ASAH2B: variants seen among roughly 807,000 people sequenced by gnomAD.
The protein encoded by ASAH2B is putative inactive neutral ceramidase B.
ASAH2B carries 1 observed loss-of-function variant against 2.9 expected under a neutral mutation model. The ratio of observed to expected loss-of-function variants is 0.34; its 90% confidence interval spans 0.12 to 1.63. The LOEUF is 1.63. Among genes scored for constraint, ASAH2B ranks in the 40% most tolerant of loss-of-function variants. The pLI, the probability that ASAH2B is intolerant of heterozygous loss-of-function variation, is 0.36. For missense variants in ASAH2B, 9 were observed against 37.7 expected (o/e 0.24, Z 1.99); for synonymous variants, 4 against 13.3 (o/e 0.30, Z 1.52).
chr10:50,755,644 G>T lies in ASAH2B; in HGVS notation c.*904G>T, dbSNP rs1471031586. 2 of 151,814 alleles carry T rather than the reference G, an allele frequency of 1.3e-5. No individual in the cohort carries two copies. Among genetic ancestry groups the T allele is most frequent in the South Asian group, 2.1e-4 (1 of 4,826 alleles). 9.4% of individuals were successfully genotyped at this position (151,814 alleles called of 1,614,324 possible). A position where few individuals can be genotyped will look rare whatever the true frequency, so the allele number is the denominator to read the frequency against. ...TGGGAAAGCACTCCTCAAAGCAGAG[G>T]TTCTAAATTAATTTATCTGTTCTTT... On this transcript the variant is annotated 3_prime_UTR_variant, in exon 6 of 6. Transcript: ENST00000647317.
chr10:50,746,033 A>C (rs1271573095), intron 3 of ASAH2B, among the ~76,000 whole-genome samples: 1 of 151,320 alleles, frequency 6.6e-6, no homozygotes, highest in Non-Finnish European at 1.5e-5. Context: ...TTTAAAACAC[A>C]ATATGTTGTT....
intron 3 of ASAH2B, among the ~76,000 whole-genome samples, chr10:50,748,626 T>G (rs1463990165): frequency 1.5e-5 from 2 of 134,386 alleles, no homozygotes; most frequent in African/African-American, 6.0e-5. Flanking sequence ...ATCTCCAGAT[T>G]TCTGTCTCTG....
intron 3 of ASAH2B, among the ~76,000 whole-genome samples, chr10:50,747,535 TC>T (rs1398389540): frequency 6.6e-6 from 1 of 151,716 alleles, no homozygotes; most frequent in African/African-American, 2.4e-5. Context: ...ATTCAGTTTT[TC>T]ACCATTTAGT....
intron 1 of ASAH2B, among the ~76,000 whole-genome samples, chr10:50,740,687 T>C (rs7078481): frequency 0.026 from 4,036 of 152,322 alleles, 81 homozygotes; most frequent in Non-Finnish European, 0.04. Flanking sequence ...AGGACCTTAA[T>C]TGAATGAAAT....
At chr10:50,744,135 T>C (rs1839873013) in intron 2 of ASAH2B, among the ~76,000 whole-genome samples, 1 of 151,624 alleles carries the variant, frequency 6.6e-6, no homozygotes, top group Non-Finnish European at 1.5e-5. Flanking sequence ...CCAAATCTAT[T>C]TGTAGGTCAT....
At chr10:50,742,161 G>T (rs1195744454) in intron 1 of ASAH2B, among the ~76,000 whole-genome samples, 1 of 152,096 alleles carries the variant, frequency 6.6e-6, no homozygotes, top group African/African-American at 2.4e-5. Flanking sequence ...AGAAATGAGG[G>T]TTTGAACTAA....
rs1235032917 is a variant in ASAH2B, at chr10:50,755,750, G to T, written c.*1010G>T. ...TTTATATGCCCAGAATTATAATAGT[G>T]CCTAGGCCTTGATAATTAGTGAATT... On this transcript the variant is annotated 3_prime_UTR_variant, in exon 6 of 6. Coordinates refer to ENST00000647317, the MANE Select transcript of ASAH2B (RefSeq NM_001321958.2). 1.4e-4 allele frequency: 21 copies of T among 149,856 alleles called. No homozygotes were observed. Among genetic ancestry groups the T allele is most frequent in the African/African-American group, 4.8e-4 (20 of 41,388 alleles). The allele number at this position is 149,856 out of a possible 1,614,324, so 9.3% of individuals were successfully genotyped here.
rs1837095610 is a variant in ASAH2B, at chr10:50,756,632, G to C, written c.*1892G>C. ...GATAGCTCACTGGCAACTGTACCAA[G>C]GTGGCCACTGTATCATCTACTGATC... On this transcript the variant is annotated 3_prime_UTR_variant, in exon 6 of 6. Transcript: ENST00000647317. The C allele has an allele frequency of 6.6e-6, 1 of 151,948 alleles. No individual in the cohort carries two copies. The highest frequency in any genetic ancestry group is 6.6e-5 in the Admixed American group (1 of 15,228). 9.4% of individuals were successfully genotyped at this position (151,948 alleles called of 1,614,324 possible). A position where few individuals can be genotyped will look rare whatever the true frequency, so the allele number is the denominator to read the frequency against.
chr10:50,743,857 C>T (rs974524976), intron 2 of ASAH2B: 8 of 151,104 alleles, frequency 5.3e-5, no homozygotes, highest in African/African-American at 1.7e-4. Flanking sequence ...AAATAAAGCC[C>T]TTTTAATGAA....
chr10:50,743,069 T>G lies in ASAH2B; in HGVS notation c.-4+59T>G, dbSNP rs189336118. ...GTGTGTGTGTGTGTGTATGTCTGTATGTGTCTGTGTCTGGGTAAGAGGGAA... is the reference window on the plus strand; with the variant it reads ...GTGTGTGTGTGTGTGTATGTCTGTAGGTGTCTGTGTCTGGGTAAGAGGGAA... On this transcript the variant is annotated intron_variant, in intron 2 of 5. Coordinates refer to ENST00000647317, the MANE Select transcript of ASAH2B (RefSeq NM_001321958.2). 17 of 1,550,126 alleles carry G rather than the reference T, an allele frequency of 1.1e-5. No individual in the cohort carries two copies. The East Asian group carries it at 2.5e-4, about 22-fold the overall frequency.
rs1415495815 is a variant in ASAH2B at position 50,756,475 on chromosome 10, C to T, written c.*1735C>T. 6.6e-6 allele frequency: 1 copy of T among 151,988 alleles called. No homozygotes were observed. The highest frequency in any genetic ancestry group is 1.5e-5 in the Non-Finnish European group (1 of 67,900). The allele number at this position is 151,988 out of a possible 1,614,324, so 9.4% of individuals were successfully genotyped here. On this transcript the variant is annotated 3_prime_UTR_variant, in exon 6 of 6. Coordinates refer to ENST00000647317, the MANE Select transcript of ASAH2B (RefSeq NM_001321958.2). The stretch of plus-strand genomic sequence containing the variant: ...GATCCTGAAAGTAGCTGATTCCAGA[C>T]AAGAAAATTATATTAGAACTCATGA...
intron 4 of ASAH2B, among the ~76,000 whole-genome samples, chr10:50,751,626 A>G (rs1213496478): frequency 4.0e-5 from 6 of 151,724 alleles, no homozygotes; most frequent in Non-Finnish European, 7.4e-5. Flanking sequence ...ATTTTAAACA[A>G]TTACATGGCC....
At position 50,757,549 on chromosome 10, in the gene ASAH2B, T is replaced by C. The variant is rs1011510502; in HGVS notation, c.*2809T>C. On this transcript the variant is annotated 3_prime_UTR_variant, in exon 6 of 6. Transcript: ENST00000647317. ...TGTCCTTTTCTAATGTGCCCTCTTA[T>C]GCTTCTCCTCCAATGTAAGCAAGCT... 1.9e-4 allele frequency: 28 copies of C among 147,628 alleles called. 1 individual carries two copies. The highest frequency in any genetic ancestry group is 6.6e-4 in the African/African-American group (27 of 40,912). 9.1% of individuals were successfully genotyped at this position (147,628 alleles called of 1,614,324 possible). A position where few individuals can be genotyped will look rare whatever the true frequency, so the allele number is the denominator to read the frequency against.
At chr10:50,743,958 A>AG (rs71457591) in intron 2 of ASAH2B, among the ~76,000 whole-genome samples, 2 of 148,202 alleles carry the variant, frequency 1.3e-5, no homozygotes, top group Admixed American at 1.3e-4. Context: ...TGCCTGTATT[A>AG]TTACTGATTG....
chr10:50,745,783 C>T (rs552235701), intron 3 of ASAH2B, among the ~76,000 whole-genome samples: 1 of 146,750 alleles, frequency 6.8e-6, no homozygotes, highest in Admixed American at 6.8e-5. Context: ...TTTCTAAATG[C>T]ACCTAATTAT....
rs1249208397 is a variant in ASAH2B at position 50,757,334 on chromosome 10, T to G, written c.*2594T>G. The stretch of plus-strand genomic sequence containing the variant: ...ACCACTGAAGCACAAGGGAACCACT[T>G]CTTTATCAGTTCCTTTCTAACTTCT... On this transcript the variant is annotated 3_prime_UTR_variant, in exon 6 of 6. Transcript: ENST00000647317. The G allele has an allele frequency of 6.6e-6, 1 of 151,812 alleles. No individual in the cohort carries two copies. Among genetic ancestry groups the G allele is most frequent in the Admixed American group, 6.6e-5 (1 of 15,210 alleles). The allele number at this position is 151,812 out of a possible 1,614,324, so 9.4% of individuals were successfully genotyped here.
intron 2 of ASAH2B, among the ~76,000 whole-genome samples, 182 bp downstream of exon 2, chr10:50,743,192 T>C (rs1481617241): frequency 6.6e-6 from 1 of 152,162 alleles, no homozygotes; most frequent in African/African-American, 2.4e-5. Context: ...AAATAAAATT[T>C]CTTTCCCAAT....
At position 50,748,275 on chromosome 10, in the gene ASAH2B, C is replaced by A. The variant is rs868320133; in HGVS notation, c.145-1068C>A. 5.6e-3 allele frequency among the ~76,000 whole-genome samples: 574 copies of A among 102,104 alleles called. 8 individuals are homozygous for A. The highest frequency in any genetic ancestry group is 0.016 in the African/African-American group (546 of 34,052). The allele number at this position is 102,104 out of a possible 152,430, so 67.0% of individuals were successfully genotyped here. ...GAGTTGACAATTATATCCCCTCTTT[C>A]TTTCTAATTTTGGTAATTTGTGTCC... On this transcript the variant is annotated intron_variant, in intron 3 of 5. Transcript: ENST00000647317.
rs1421538554 is a variant in ASAH2B at position 50,758,107 on chromosome 10, CACACAGCT to C, written c.*3370_*3377del. 1 of 144,424 alleles carries C rather than the reference CACACAGCT, an allele frequency of 6.9e-6. No homozygotes were observed. Among genetic ancestry groups the C allele is most frequent in the African/African-American group, 2.6e-5 (1 of 38,850 alleles). The allele number at this position is 144,424 out of a possible 1,614,324, so 8.9% of individuals were successfully genotyped here. A position where few individuals can be genotyped will look rare whatever the true frequency, so the allele number is the denominator to read the frequency against. On this transcript the variant is annotated 3_prime_UTR_variant, in exon 6 of 6. Coordinates refer to ENST00000647317, the MANE Select transcript of ASAH2B (RefSeq NM_001321958.2). ...TCTATTTCTTTGTTCAGAACTGTGCCACACAGCTACTCTTACCTGCAAGGGAAGCTGGA... is the reference window on the plus strand; with the variant it reads ...TCTATTTCTTTGTTCAGAACTGTGCCACTCTTACCTGCAAGGGAAGCTGGA...
Sources: gnomAD v4.1 joint callset for allele counts (sites outside exome capture counted in the v4.1 genomes callset) on GRCh38, gnomAD v4.1.1 for gene constraint, MANE v1.5 for transcripts, NCBI Gene and HGNC (gene_info 2026-07-23, HGNC 2026-07-21) for gene names.